Variants in LPP observed in about 807,000 individuals in gnomAD.
LPP encodes the protein LIM domain containing preferred translocation partner in lipoma.
LPP carries 38 observed loss-of-function variants against 60.4 expected under a neutral mutation model. That is an observed-to-expected ratio of 0.63 (90% CI 0.49 to 0.83). The LOEUF (loss-of-function observed/expected upper bound fraction) is 0.83, where lower values mean the gene tolerates loss of function less well. Ranked by LOEUF, LPP falls within the 40% of genes least tolerant of loss-of-function variation. The probability of loss-of-function intolerance (pLI) is 0.00; values close to 1 mark genes in which losing one functional copy is unlikely to be tolerated. For synonymous variants in LPP, 328 were observed against 290.8 expected (o/e 1.13, Z -1.30); for missense variants, 902 against 783.6 (o/e 1.15, Z -1.80).
intron 6 of LPP, among the ~76,000 whole-genome samples, chr3:188,550,759 C>T (rs4479587): frequency 0.45 from 68,106 of 151,714 alleles, 16,372 homozygotes; most frequent in East Asian, 0.92. Context: ...AGAGGTGATA[C>T]GACACATAGA....
chr3:188,164,022 A>G (rs1480965670), intron 1 of LPP, among the ~76,000 whole-genome samples: 8 of 151,982 alleles, frequency 5.3e-5, no homozygotes, highest in African/African-American at 1.9e-4. Flanking sequence ...TTTGAAGGGT[A>G]TGTCAAGATC....
At position 188,886,869 on chromosome 3, in the gene LPP, A is replaced by C; in HGVS notation, c.*12390A>C. On this transcript the variant is annotated 3_prime_UTR_variant, in exon 12 of 12. Transcript: ENST00000617246. ...ATCCTAAACCTGACCCATTTTTGTA[A>C]CAGCTAAAAAGGAGAAGAAAAAGCT... 4.3e-6 allele frequency: 1 copy of C among 230,090 alleles called. No homozygotes were observed. Among genetic ancestry groups the C allele is most frequent in the Admixed American group, 5.7e-5 (1 of 17,648 alleles). 14.3% of individuals were successfully genotyped at this position (230,090 alleles called of 1,614,324 possible).
At chr3:188,577,745 G>GTTCCTTCCTTCCTTCC (rs1337923679) in intron 6 of LPP, among the ~76,000 whole-genome samples, 6,971 of 68,296 alleles carry the variant, frequency 0.1, 499 homozygotes, top group Non-Finnish European at 0.16. Flanking sequence ...TCCTTCCTTT[G>GTTCCTTCCTTCCTTCC]TTCCTTCGTT....
In LPP at chr3:188,593,431, A is replaced by AT. The variant is rs1001733082; in HGVS notation, c.430-15723dup. Among the ~76,000 whole-genome samples, 12 of 151,936 alleles carry AT rather than the reference A, an allele frequency of 7.9e-5. No homozygotes were observed. In the East Asian group the frequency reaches 2.3e-3, roughly 29 times the overall value. ...TTCATTCATTCATTGCTCTTTGATAATTTTTTTCTTTTTTAATTTTATTTT... is the reference window on the plus strand; with the variant it reads ...TTCATTCATTCATTGCTCTTTGATAATTTTTTTTCTTTTTTAATTTTATTTT... On this transcript the variant is annotated intron_variant, in intron 6 of 11. Coordinates refer to ENST00000617246, the MANE Select transcript of LPP (RefSeq NM_001375462.1).
chr3:188,591,994 G>A (rs1283167539), intron 6 of LPP, among the ~76,000 whole-genome samples: 1 of 152,172 alleles, frequency 6.6e-6, no homozygotes, highest in African/African-American at 2.4e-5. Context: ...TTTGTTAGAA[G>A]TGCATGCCTG....
intron 9 of LPP, among the ~76,000 whole-genome samples, chr3:188,793,755 AGGTGCTAGGG>A: frequency 6.6e-6 from 1 of 152,094 alleles, no homozygotes; most frequent in Non-Finnish European, 1.5e-5. Context: ...GTGTGCCCTT[AGGTGCTAGGG>A]CCAGTATTGT....
chr3:188,771,822 C>G (rs770553050), intron 9 of LPP, among the ~76,000 whole-genome samples: 2 of 152,178 alleles, frequency 1.3e-5, no homozygotes, highest in Non-Finnish European at 2.9e-5. Flanking sequence ...ATTTCAGGCT[C>G]TGGAATATTA....
chr3:188,817,323 T>C (rs995362722), intron 9 of LPP, among the ~76,000 whole-genome samples: 1 of 152,170 alleles, frequency 6.6e-6, no homozygotes, highest in African/African-American at 2.4e-5. Flanking sequence ...TGATGTAGAC[T>C]CCAGTGTGTA....
intron 7 of LPP, among the ~76,000 whole-genome samples, chr3:188,621,418 G>A (rs1213037923): frequency 3.3e-5 from 5 of 152,122 alleles, no homozygotes; most frequent in Non-Finnish European, 7.3e-5. Flanking sequence ...AGAATATGTG[G>A]TATTTGGCTT....
chr3:188,245,603 A>T (rs1269271388), intron 2 of LPP, among the ~76,000 whole-genome samples: 1 of 152,106 alleles, frequency 6.6e-6, no homozygotes, highest in Middle Eastern at 3.2e-3. Context: ...TAAAGACCAC[A>T]AAGTAAATTT....
chr3:188,741,760 C>T (rs114602865), intron 8 of LPP, among the ~76,000 whole-genome samples: 1 of 151,738 alleles, frequency 6.6e-6, no homozygotes, highest in Non-Finnish European at 1.5e-5. Flanking sequence ...ATACAAAAAA[C>T]CCCACAAACC....
At chr3:188,603,278 C>CTAGGAGAGAGAA (rs374527402) in intron 6 of LPP, among the ~76,000 whole-genome samples, 3,280 of 151,644 alleles carry the variant, frequency 0.022, 124 homozygotes, top group African/African-American at 0.076. Flanking sequence ...AAAGATTTTC[C>CTAGGAGAGAGAA]AGTGTCTACA....
rs142965164 is a variant in LPP, at chr3:188,294,024, CCTCCAGCCTGGGTGACAGAGCCAAA to C, written c.-66-47635_-66-47611del. ...GAGGTTGCAGTGAGCCGAGATCTGC[CCTCCAGCCTGGGTGACAGAGCCAAA>C]CTCTGTCAAAAAAAAAAAAAAAAAA... On this transcript the variant is annotated intron_variant, in intron 2 of 11. Coordinates refer to ENST00000617246, the MANE Select transcript of LPP (RefSeq NM_001375462.1). 6.5e-3 allele frequency among the ~76,000 whole-genome samples: 940 copies of C among 144,978 alleles called. 6 individuals are homozygous for C. The highest frequency in any genetic ancestry group is 0.011 in the Non-Finnish European group (732 of 66,448).
chr3:188,614,504 T>C (rs1560646264), intron 7 of LPP, among the ~76,000 whole-genome samples: 1 of 152,202 alleles, frequency 6.6e-6, no homozygotes, highest in Non-Finnish European at 1.5e-5. Context: ...TTCCTCTTTG[T>C]ACAGACTTTT....
chr3:188,449,039 G>A (rs959267644), intron 4 of LPP, among the ~76,000 whole-genome samples: 2 of 152,192 alleles, frequency 1.3e-5, no homozygotes, highest in African/African-American at 2.4e-5. Context: ...CACTAGTCAA[G>A]GTTGGTTTAT....
chr3:188,254,845 A>ACC (rs1357719333), intron 2 of LPP, among the ~76,000 whole-genome samples: 1 of 152,146 alleles, frequency 6.6e-6, no homozygotes, highest in African/African-American at 2.4e-5. Flanking sequence ...TTTTGACAGG[A>ACC]ATGGATACCT....
chr3:188,155,303 T>G (rs1004884558), intron 1 of LPP, among the ~76,000 whole-genome samples: 11 of 152,174 alleles, frequency 7.2e-5, no homozygotes, highest in African/African-American at 2.7e-4. Flanking sequence ...TCTCTGGGGC[T>G]TTTGCTAGTA....
chr3:188,492,347 T>C (rs1005248624), intron 5 of LPP, among the ~76,000 whole-genome samples: 4 of 152,202 alleles, frequency 2.6e-5, no homozygotes, highest in Admixed American at 2.0e-4. Context: ...AATGTACTTA[T>C]TGTTTTTTTT....
At chr3:188,353,175 C>T (rs1474663293) in intron 3 of LPP, among the ~76,000 whole-genome samples, 14 of 152,086 alleles carry the variant, frequency 9.2e-5, no homozygotes, top group African/African-American at 1.4e-4. Context: ...CACAAGATTA[C>T]AGGGTCCTCG....
Sources: allele counts gnomAD v4.1 joint callset (sites outside exome capture counted in the v4.1 genomes callset), GRCh38; gene constraint gnomAD v4.1.1; transcripts MANE v1.5; gene names NCBI Gene and HGNC (gene_info 2026-07-23, HGNC 2026-07-21).